Variants in SAMSN1 observed in about 807,000 individuals in gnomAD.
SAMSN1 encodes the protein SAM domain-containing protein SAMSN-1.
A neutral mutation model predicts 42.0 loss-of-function variants in SAMSN1; 31 were observed. The ratio of observed to expected loss-of-function variants is 0.74; its 90% CI spans 0.55 to 1.00. The LOEUF (loss-of-function observed/expected upper bound fraction) is 1.00, where lower values mean the gene tolerates loss of function less well. SAMSN1 is among the 50% of genes least tolerant of loss of function. SAMSN1 has a pLI of 0.00. For synonymous variants in SAMSN1, 178 were observed against 151.9 expected, an observed-to-expected ratio of 1.17 and a Z score of -1.26; for missense variants, 464 against 439.4, an observed-to-expected ratio of 1.06 and a Z score of -0.50.
chr21:14,525,761 A>G (rs941513917), intron 1 of SAMSN1, among the ~76,000 whole-genome samples: 1 of 152,240 alleles, frequency 6.6e-6, no homozygotes, highest in Admixed American at 6.5e-5. Flanking sequence ...CTAATTTTAC[A>G]TATATTTAAA....
At chr21:14,630,403 A>G (rs1277128367) in intron 2 of SAMSN1, among the ~76,000 whole-genome samples, 4 of 150,208 alleles carry the variant, frequency 2.7e-5, no homozygotes, top group South Asian at 2.1e-4. Flanking sequence ...TTTTTTAGAG[A>G]TGATTAAAGA....
At chr21:14,499,103 G>T (rs975476297) in intron 6 of SAMSN1, among the ~76,000 whole-genome samples, 7 of 152,146 alleles carry the variant, frequency 4.6e-5, no homozygotes, top group Middle Eastern at 3.2e-3. Context: ...AAAAGTGGGT[G>T]TAGCATTTTG....
Position 14,619,857 on chromosome 21 carries a change from G to A in SAMSN1, c.157-3841C>T, listed in dbSNP as rs1982953939. 2.0e-5 allele frequency among the ~76,000 whole-genome samples: 3 copies of A among 152,038 alleles called. No homozygotes were observed. The South Asian group carries it at 6.2e-4, about 32-fold the overall frequency. On this transcript the variant is annotated intron_variant, in intron 2 of 15. Coordinates refer to the SAMSN1 transcript ENST00000647101. ...TGATCTGATGGTAATAAACTGGAGG[G>A]AATTTAGAAAGGCCTGTTTGTTCAG...
intron 2 of SAMSN1, among the ~76,000 whole-genome samples, chr21:14,560,280 A>G (rs1208456103): frequency 6.6e-6 from 1 of 152,182 alleles, no homozygotes; most frequent in Non-Finnish European, 1.5e-5. Flanking sequence ...AGAGTATATG[A>G]TATTAGAGAC....
intron 2 of SAMSN1, among the ~76,000 whole-genome samples, chr21:14,517,562 GA>G (rs1234388659): frequency 1.3e-5 from 2 of 152,098 alleles, no homozygotes; most frequent in South Asian, 4.1e-4. Flanking sequence ...AGAAATGTTA[GA>G]TTTTTTTTCA....
At chr21:14,609,802 C>G (rs1164447140) in intron 4 of SAMSN1, among the ~76,000 whole-genome samples, 4 of 152,106 alleles carry the variant, frequency 2.6e-5, no homozygotes, top group African/African-American at 9.7e-5. Flanking sequence ...TTTATTAGTT[C>G]CCCAAATTAA....
At chr21:14,569,269 T>C (rs1239396604) in intron 2 of SAMSN1, among the ~76,000 whole-genome samples, 2 of 152,186 alleles carry the variant, frequency 1.3e-5, no homozygotes, top group Non-Finnish European at 2.9e-5. Context: ...CAGTGCAGCC[T>C]GGGCAACAGA....
intron 1 of SAMSN1, among the ~76,000 whole-genome samples, chr21:14,656,289 G>C (rs1353146286): frequency 1.3e-5 from 2 of 151,764 alleles, no homozygotes; most frequent in Admixed American, 1.3e-4. Context: ...TTCTGAATAA[G>C]ACTCACTTGG....
At chr21:14,609,122 A>G (rs1287334595) in intron 5 of SAMSN1, among the ~76,000 whole-genome samples, 1 of 151,978 alleles carries the variant, frequency 6.6e-6, no homozygotes, top group African/African-American at 2.4e-5. Flanking sequence ...TAACATATCA[A>G]TGTTATCTTT....
intron 2 of SAMSN1, among the ~76,000 whole-genome samples, chr21:14,627,272 A>G (rs1017834865): frequency 2.4e-4 from 2 of 8,260 alleles, no homozygotes; most frequent in Non-Finnish European, 5.4e-4. Context: ...AACTTAAAGT[A>G]TAATGAAAAA....
intron 1 of SAMSN1, among the ~76,000 whole-genome samples, chr21:14,542,135 C>T (rs941399538): frequency 5.3e-5 from 8 of 152,240 alleles, no homozygotes; most frequent in Middle Eastern, 3.4e-3. Flanking sequence ...ACAGGAATGA[C>T]GATTTCTAAA....
chr21:14,516,776 AG>A, intron 3 of SAMSN1, 115 bp downstream of exon 3: 2 of 806,152 alleles, frequency 2.5e-6, no homozygotes, highest in South Asian at 4.3e-5. Flanking sequence ...ATAATGACTG[AG>A]GAAGAAAACA....
At chr21:14,607,542 C>G (rs1432498884) in intron 5 of SAMSN1, among the ~76,000 whole-genome samples, 1 of 152,216 alleles carries the variant, frequency 6.6e-6, no homozygotes, top group African/African-American at 2.4e-5. Flanking sequence ...TGGACACACA[C>G]ATGCACACGC....
intron 1 of SAMSN1, among the ~76,000 whole-genome samples, chr21:14,650,447 A>C (rs1983813328): frequency 6.6e-6 from 1 of 152,170 alleles, no homozygotes; most frequent in South Asian, 2.1e-4. Context: ...TGGTCAATGA[A>C]GAGATTAAGA....
At position 14,578,037 on chromosome 21, in the gene SAMSN1, C is replaced by T. The variant is rs115298886; in HGVS notation, c.261+4099G>A. 4.0e-3 allele frequency among the ~76,000 whole-genome samples: 615 copies of T among 152,264 alleles called. 8 individuals are homozygous for T. Among genetic ancestry groups the T allele is most frequent in the African/African-American group, 0.014 (597 of 41,548 alleles). The stretch of plus-strand genomic sequence containing the variant: ...ATTCCGTTTGTTTATAGTATCTCAA[C>T]GGAATAAAATGTTCCAATCTTACAG... On this transcript the variant is annotated intron_variant, in intron 2 of 8. Coordinates refer to the SAMSN1 transcript ENST00000285670.
intron 2 of SAMSN1, among the ~76,000 whole-genome samples, chr21:14,626,656 G>C (rs1448573026): frequency 1.3e-5 from 2 of 152,196 alleles, no homozygotes; most frequent in African/African-American, 2.4e-5. Flanking sequence ...TGGAGAAATA[G>C]GAACACTTTT....
At chr21:14,551,465 A>C (rs887406801) in intron 2 of SAMSN1, among the ~76,000 whole-genome samples, 1 of 152,082 alleles carries the variant, frequency 6.6e-6, no homozygotes, top group Non-Finnish European at 1.5e-5. Context: ...GTTCAAAGTG[A>C]CTGGAAAAAT....
chr21:14,525,118 A>C (rs1441781147), intron 1 of SAMSN1, among the ~76,000 whole-genome samples: 1 of 152,202 alleles, frequency 6.6e-6, no homozygotes, highest in Non-Finnish European at 1.5e-5. Flanking sequence ...ATGAAATAAT[A>C]AGATTACCAT....
At chr21:14,562,462 G>C (rs1383533829) in intron 2 of SAMSN1, among the ~76,000 whole-genome samples, 1 of 151,380 alleles carries the variant, frequency 6.6e-6, no homozygotes, top group Admixed American at 6.6e-5. Context: ...ATATAATCCT[G>C]CCAGGTCCCC....
Sources: allele counts gnomAD v4.1 joint callset (sites outside exome capture counted in the v4.1 genomes callset), GRCh38; gene constraint gnomAD v4.1.1; transcripts MANE v1.5; gene names NCBI Gene and HGNC (gene_info 2026-07-23, HGNC 2026-07-21).